DENND10: variants seen among roughly 807,000 people sequenced by gnomAD.
DENND10 encodes DENN domain-containing protein 10.
DENND10 carries 24 observed loss-of-function variants against 43.6 expected under a neutral mutation model. That is an observed-to-expected ratio of 0.55 (90% confidence interval 0.40 to 0.77). The LOEUF is 0.77. Among genes scored for constraint, DENND10 ranks in the 30% least tolerant of loss-of-function variants. The pLI is 0.00. For synonymous variants in DENND10, 125 were observed against 157.6 expected (o/e 0.79, Z 1.55); for missense variants, 303 against 429.9 (o/e 0.70, Z 2.61).
chr10:119,106,974 T>C (rs1844725141), intron 1 of DENND10, among the ~76,000 whole-genome samples: 1 of 152,078 alleles, frequency 6.6e-6, no homozygotes, highest in Non-Finnish European at 1.5e-5. Context: ...AGCTTGAATC[T>C]GGGAGATGGA....
At chr10:119,123,113 C>A (rs1335704297) in intron 5 of DENND10, among the ~76,000 whole-genome samples, 2 of 152,118 alleles carry the variant, frequency 1.3e-5, no homozygotes, top group Non-Finnish European at 2.9e-5. Flanking sequence ...ACTAAAAATA[C>A]AAACATTAAC....
intron 6 of DENND10, among the ~76,000 whole-genome samples, chr10:119,128,269 T>A (rs1199291260): frequency 6.6e-6 from 1 of 151,656 alleles, no homozygotes; most frequent in African/African-American, 2.4e-5. Flanking sequence ...GCCAAGATCG[T>A]GCCACTGCCC....
At chr10:119,135,406 T>C (rs536020522) in intron 8 of DENND10, among the ~76,000 whole-genome samples, 4 of 152,284 alleles carry the variant, frequency 2.6e-5, no homozygotes, top group Admixed American at 2.6e-4. Flanking sequence ...GTAGTCTTTA[T>C]ATACAGTAGA....
At chr10:119,129,699 A>G (rs1002050975) in intron 7 of DENND10, 77 bp downstream of exon 7, 1 of 1,018,886 alleles carries the variant, frequency 9.8e-7, no homozygotes, top group East Asian at 2.4e-5. Flanking sequence ...CTCTAAAACC[A>G]GTATGTGAGG....
At chr10:119,106,514 T>A (rs1039360383) in intron 1 of DENND10, among the ~76,000 whole-genome samples, 5 of 150,318 alleles carry the variant, frequency 3.3e-5, no homozygotes, top group East Asian at 3.9e-4. Context: ...CTAATTAAAA[T>A]TTTTTTTTTG....
At chr10:119,112,168 G>C (rs1409268734) in intron 3 of DENND10, among the ~76,000 whole-genome samples, 1 of 152,078 alleles carries the variant, frequency 6.6e-6, no homozygotes, top group Non-Finnish European at 1.5e-5. Context: ...GTAGCTCCTG[G>C]GTGTTTTGAA....
intron 7 of DENND10, among the ~76,000 whole-genome samples, chr10:119,130,200 G>A (rs778079623): frequency 6.7e-6 from 1 of 149,500 alleles, no homozygotes; most frequent in African/African-American, 2.5e-5. Flanking sequence ...GGAGTCTTAT[G>A]CCCAGGCTGG....
At chr10:119,118,841 T>G (rs1255863901) in intron 4 of DENND10, among the ~76,000 whole-genome samples, 4 of 139,176 alleles carry the variant, frequency 2.9e-5, no homozygotes, top group Non-Finnish European at 6.2e-5. Flanking sequence ...CAGCTAATTT[T>G]TTTTTTTTTT....
At chr10:119,131,387 G>A (rs1846082233) in intron 7 of DENND10, among the ~76,000 whole-genome samples, 1 of 152,192 alleles carries the variant, frequency 6.6e-6, no homozygotes, top group African/African-American at 2.4e-5. Flanking sequence ...GAACCCGGGA[G>A]GCAGAGCTTG....
chr10:119,121,158 G>A (rs1448401268), intron 5 of DENND10, among the ~76,000 whole-genome samples: 1 of 151,742 alleles, frequency 6.6e-6, no homozygotes, highest in Admixed American at 6.6e-5. Context: ...TTTTTTGCCA[G>A]GAGGGTCAGT....
chr10:119,120,566 A>G, intron 5 of DENND10, 114 bp downstream of exon 5: 1 of 698,282 alleles, frequency 1.4e-6, no homozygotes, highest in Non-Finnish European at 2.6e-6. Context: ...CATGTGGTGA[A>G]ATACCACCTT....
rs576876780 is a variant in DENND10 at position 119,125,324 on chromosome 10, C to T, written c.694+1755C>T. Among the ~76,000 whole-genome samples the T allele has an allele frequency of 3.3e-5, 5 of 151,022 alleles. No homozygotes were observed. In the South Asian group the frequency reaches 6.3e-4, roughly 19 times the overall value. ...TTTATCAGTGACTTTTTTTTTTCAT[C>T]TTAACTTTTTAATTGTTATGGGTAT... On this transcript the variant is annotated intron_variant, in intron 6 of 8. Transcript: ENST00000361432.
At chr10:119,121,578 C>T (rs1476046927) in intron 5 of DENND10, among the ~76,000 whole-genome samples, 1 of 151,616 alleles carries the variant, frequency 6.6e-6, no homozygotes, top group Non-Finnish European at 1.5e-5. Flanking sequence ...CCTCAGCCTC[C>T]CGAGTAGCTG....
In DENND10 at chr10:119,136,695, ACT is replaced by A. The variant is rs1237033773; in HGVS notation, c.*51_*52del. On this transcript the variant is annotated 3_prime_UTR_variant, in exon 9 of 9. Coordinates refer to ENST00000361432, the MANE Select transcript of DENND10 (RefSeq NM_207009.4). ...GATGACTGATAGAAAGCCCTCTTTC[ACT>A]CTGATTACCCACTCACTACATGAAG... 3 of 918,954 alleles carry A rather than the reference ACT, an allele frequency of 3.3e-6. No homozygotes were observed. Among genetic ancestry groups the A allele is most frequent in the East Asian group, 2.7e-5 (1 of 37,680 alleles). 56.9% of individuals were successfully genotyped at this position (918,954 alleles called of 1,614,324 possible). A position where few individuals can be genotyped will look rare whatever the true frequency, so the allele number is the denominator to read the frequency against.
At chr10:119,115,382 A>ATTTTTTTTCTTTT (rs1845200989) in intron 3 of DENND10, among the ~76,000 whole-genome samples, 1 of 48,392 alleles carries the variant, frequency 2.1e-5, no homozygotes, top group Non-Finnish European at 4.0e-5. Flanking sequence ...TGAATTGGTA[A>ATTTTTTTTCTTTT]TTTTTTTTTT....
At chr10:119,106,812 A>G (rs1421239303) in intron 1 of DENND10, among the ~76,000 whole-genome samples, 1 of 152,208 alleles carries the variant, frequency 6.6e-6, no homozygotes, top group Non-Finnish European at 1.5e-5. Flanking sequence ...TGGGGGGCCG[A>G]GGCAGGCAGA....
At chr10:119,119,542 G>C (rs545953123) in intron 4 of DENND10, among the ~76,000 whole-genome samples, 1 of 151,988 alleles carries the variant, frequency 6.6e-6, no homozygotes, top group Non-Finnish European at 1.5e-5. Flanking sequence ...CTCCCAAAGC[G>C]CTGGGATTAC....
At chr10:119,135,923 C>A (rs575135202) in intron 8 of DENND10, among the ~76,000 whole-genome samples, 7 of 151,772 alleles carry the variant, frequency 4.6e-5, no homozygotes, top group Admixed American at 3.9e-4. Flanking sequence ...GATCTATAAT[C>A]CCAGCAGTTT....
intron 2 of DENND10, among the ~76,000 whole-genome samples, chr10:119,110,714 C>G (rs918528315): frequency 1.3e-5 from 2 of 152,080 alleles, no homozygotes; most frequent in African/African-American, 4.8e-5. Context: ...CTCGGCCTCC[C>G]AAAGTGCTGG....
Sources: allele counts gnomAD v4.1 joint callset (sites outside exome capture counted in the v4.1 genomes callset), GRCh38; gene constraint gnomAD v4.1.1; transcripts MANE v1.5; gene names NCBI Gene and HGNC (gene_info 2026-07-23, HGNC 2026-07-21).